The following EPB41L2 variants were observed in gnomAD, a reference collection of about 807,000 sequenced individuals.
EPB41L2 encodes erythrocyte membrane protein band 4.1 like 2.
A neutral mutation model predicts 113.0 loss-of-function variants in EPB41L2; 43 were observed. The observed-to-expected ratio is 0.38, with a 90% CI of 0.30 to 0.49. EPB41L2 has a LOEUF of 0.49. Among genes scored for constraint, EPB41L2 ranks in the 20% least tolerant of loss-of-function variants. EPB41L2 has a pLI of 0.95. For missense variants in EPB41L2, 1,147 were observed against 1,223.4 expected, an observed-to-expected ratio of 0.94 and a Z score of 0.93; for synonymous variants, 442 against 436.7, an observed-to-expected ratio of 1.01 and a Z score of -0.15.
chr6:131,030,760 A>C (rs549111369), intron 1 of EPB41L2, among the ~76,000 whole-genome samples: 2 of 152,250 alleles, frequency 1.3e-5, no homozygotes, highest in African/African-American at 4.8e-5. Flanking sequence ...AGAGGTACCA[A>C]AGGGTCTGAT....
At chr6:131,003,814 T>G (rs1412594368) in intron 1 of EPB41L2, among the ~76,000 whole-genome samples, 91 of 152,086 alleles carry the variant, frequency 6.0e-4, no homozygotes. Flanking sequence ...GCAGGTTATA[T>G]CGGAAAAAAA....
chr6:131,045,936 TTTTC>T (rs988959910), intron 1 of EPB41L2, among the ~76,000 whole-genome samples: 2 of 145,332 alleles, frequency 1.4e-5, no homozygotes, highest in Non-Finnish European at 3.0e-5. Context: ...ACGCCTATAT[TTTTC>T]TTTCTCTCTT....
chr6:131,004,351 T>TCAAAGCAGGTAGGTTAAGG (rs1784994599), intron 1 of EPB41L2, among the ~76,000 whole-genome samples: 3 of 152,116 alleles, frequency 2.0e-5, no homozygotes, highest in African/African-American at 7.2e-5. Context: ...TAAGGAAATC[T>TCAAAGCAGGTAGGTTAAGG]AAAACAAAGC....
chr6:130,911,862 C>T (rs80166657), intron 4 of EPB41L2, among the ~76,000 whole-genome samples: 3,604 of 152,000 alleles, frequency 0.024, 134 homozygotes, highest in African/African-American at 0.083. Flanking sequence ...TTAAGTTTTA[C>T]TCATTCTAAG....
intron 4 of EPB41L2, among the ~76,000 whole-genome samples, chr6:130,915,260 G>A (rs549326216): frequency 1.9e-3 from 286 of 152,152 alleles, no homozygotes; most frequent in African/African-American, 6.2e-3. Context: ...CCGAGATCCC[G>A]CCACTGCACT....
chr6:131,043,587 AAAAG>A (rs1465928097), intron 1 of EPB41L2, among the ~76,000 whole-genome samples: 1 of 152,084 alleles, frequency 6.6e-6, no homozygotes, highest in Non-Finnish European at 1.5e-5. Context: ...AAGGAAATAT[AAAAG>A]AAAGAAAGGG....
chr6:130,944,075 T>C (rs1470089750), intron 3 of EPB41L2, among the ~76,000 whole-genome samples: 1 of 152,030 alleles, frequency 6.6e-6, no homozygotes, highest in African/African-American at 2.4e-5. Context: ...CAAGTCGGTC[T>C]GCTGTTTCCA....
chr6:131,046,167 G>C (rs1354932122), intron 1 of EPB41L2, among the ~76,000 whole-genome samples: 2 of 148,006 alleles, frequency 1.4e-5, no homozygotes, highest in Non-Finnish European at 3.0e-5. Context: ...CAATCCTCCT[G>C]CCTCAGCCTC....
chr6:130,954,036 C>CTTTTTTTTTTTTTTTTTTT (rs1816328530), intron 3 of EPB41L2, among the ~76,000 whole-genome samples: 9 of 45,518 alleles, frequency 2.0e-4, no homozygotes, highest in African/African-American at 5.2e-4. Flanking sequence ...TAGTCCTTTT[C>CTTTTTTTTTTTTTTTTTTT]TTTCTTTTTT....
At chr6:130,865,790 A>T (rs535339516) in intron 16 of EPB41L2, 156 bp from the exon 17 acceptor site, 1 of 693,338 alleles carries the variant, frequency 1.4e-6, no homozygotes, top group South Asian at 2.0e-5. Flanking sequence ...TGGTATTTGA[A>T]ACCGAGTAGA....
intron 1 of EPB41L2, among the ~76,000 whole-genome samples, chr6:130,989,631 G>A (rs549114457): frequency 3.3e-4 from 50 of 152,296 alleles, no homozygotes; most frequent in African/African-American, 1.1e-3. Flanking sequence ...CTGTTATAAC[G>A]AAACCTTCTG....
At chr6:131,022,924 T>G (rs1789844382) in intron 1 of EPB41L2, among the ~76,000 whole-genome samples, 1 of 152,232 alleles carries the variant, frequency 6.6e-6, no homozygotes, top group East Asian at 1.9e-4. Context: ...CAGACTCAAC[T>G]CTAGAAGACG....
intron 1 of EPB41L2, among the ~76,000 whole-genome samples, chr6:131,001,629 C>A (rs1293563206): frequency 6.6e-6 from 1 of 152,098 alleles, no homozygotes; most frequent in African/African-American, 2.4e-5. Context: ...TGGAAAAGAA[C>A]GAAAAGTATA....
intron 3 of EPB41L2, among the ~76,000 whole-genome samples, chr6:130,943,727 G>A (rs952881684): frequency 1.3e-5 from 2 of 152,196 alleles, no homozygotes; most frequent in Non-Finnish European, 1.5e-5. Context: ...AGAATTCCTC[G>A]AATGCTGAGA....
chr6:130,920,898 G>T (rs1418582386), intron 4 of EPB41L2, among the ~76,000 whole-genome samples: 1 of 152,022 alleles, frequency 6.6e-6, no homozygotes, highest in Non-Finnish European at 1.5e-5. Context: ...TGTCCAACTT[G>T]GCAAAATAAA....
intron 10 of EPB41L2, 48 bp downstream of exon 10, chr6:130,894,296 A>T: frequency 6.9e-7 from 1 of 1,448,124 alleles, no homozygotes; most frequent in Non-Finnish European, 9.7e-7. Context: ...GTGGAATTAC[A>T]GGCATGTGCG....
chr6:130,891,223 C>T (rs1056156831), intron 10 of EPB41L2, among the ~76,000 whole-genome samples: 3 of 151,922 alleles, frequency 2.0e-5, no homozygotes, highest in Non-Finnish European at 2.9e-5. Flanking sequence ...AGAATTCCAC[C>T]GAAACTTTTC....
In EPB41L2 at chr6:130,985,861, T is replaced by C. The variant is rs1458337286; in HGVS notation, c.-14-29362A>G. On this transcript the variant is annotated intron_variant, in intron 1 of 19. Transcript: ENST00000337057. ...AGCTTGGAGATATACAAGTCACCCATTATAGGTGTACAATTAAATAGTTTT... is the reference window on the plus strand; with the variant it reads ...AGCTTGGAGATATACAAGTCACCCACTATAGGTGTACAATTAAATAGTTTT... 5.9e-5 allele frequency among the ~76,000 whole-genome samples: 9 copies of C among 152,302 alleles called. No individual in the cohort carries two copies. The East Asian group carries it at 1.5e-3, about 26-fold the overall frequency.
At chr6:130,919,466 T>C (rs6906068) in intron 4 of EPB41L2, among the ~76,000 whole-genome samples, 6,195 of 151,478 alleles carry the variant, frequency 0.041, 380 homozygotes, top group African/African-American at 0.13. Flanking sequence ...CATTCTCAGA[T>C]GCAATCATTT....
Sources: gnomAD v4.1 joint callset for allele counts (sites outside exome capture counted in the v4.1 genomes callset) on GRCh38, gnomAD v4.1.1 for gene constraint, MANE v1.5 for transcripts, NCBI Gene and HGNC (gene_info 2026-07-23, HGNC 2026-07-21) for gene names.